GLG1: variants seen among roughly 807,000 people sequenced by gnomAD.
The protein encoded by GLG1 is Golgi apparatus protein 1.
A neutral mutation model predicts 160.5 loss-of-function variants in GLG1; 38 were observed. The observed-to-expected ratio is 0.24, with a 90% CI of 0.18 to 0.31. The LOEUF is 0.31. GLG1 is among the 10% of genes least tolerant of loss of function. The probability of loss-of-function intolerance (pLI) is 1.00; values close to 1 mark genes in which losing one functional copy is unlikely to be tolerated. For synonymous variants in GLG1, 644 were observed against 543.4 expected (o/e 1.19, Z -2.57); for missense variants, 1,373 against 1,505.2 (o/e 0.91, Z 1.45).
intron 1 of GLG1, among the ~76,000 whole-genome samples, chr16:74,558,536 A>G (rs2143727007): frequency 6.6e-6 from 1 of 152,378 alleles, no homozygotes; most frequent in Middle Eastern, 3.4e-3. Flanking sequence ...TTTGAGTCTG[A>G]CTTTAACCTG....
intron 1 of GLG1, among the ~76,000 whole-genome samples, chr16:74,595,907 T>A (rs1958289535): frequency 6.6e-6 from 1 of 152,084 alleles, no homozygotes; most frequent in Non-Finnish European, 1.5e-5. Flanking sequence ...GTGGATCACC[T>A]GAGGTCAGGA....
chr16:74,517,082 G>C (rs2017001867), intron 2 of GLG1, among the ~76,000 whole-genome samples: 1 of 152,146 alleles, frequency 6.6e-6, no homozygotes, highest in Non-Finnish European at 1.5e-5. Context: ...ACCAAAAAAA[G>C]TCCAGGACCA....
chr16:74,471,288 T>G lies in GLG1; in HGVS notation c.2116-2A>C. On this transcript the variant is annotated splice_acceptor_variant, in intron 14 of 25. Coordinates refer to ENST00000422840, the MANE Select transcript of GLG1 (RefSeq NM_001145667.2). LOFTEE classifies it high-confidence loss of function. ...GTCTATCTGGTTATCTGCCACATCC[T>G]GGGGAAGACAGCATGCATTTACACT... 6.6e-7 allele frequency: 1 copy of G among 1,504,868 alleles called. No homozygotes were observed. The highest frequency in any genetic ancestry group is 9.3e-7 in the Non-Finnish European group (1 of 1,080,450). The allele number at this position is 1,504,868 out of a possible 1,614,324, so 93.2% of individuals were successfully genotyped here.
intron 2 of GLG1, among the ~76,000 whole-genome samples, chr16:74,510,025 G>T (rs973291206): frequency 9.1e-6 from 1 of 110,418 alleles, no homozygotes; most frequent in Non-Finnish European, 1.8e-5. Flanking sequence ...TACACTATAA[G>T]GTCTACTTTT....
At chr16:74,545,516 T>C (rs2018021823) in intron 1 of GLG1, among the ~76,000 whole-genome samples, 1 of 152,216 alleles carries the variant, frequency 6.6e-6, no homozygotes, top group South Asian at 2.1e-4. Flanking sequence ...CAGAAAAGTA[T>C]GTGTGGAATT....
rs376034013 is a variant in GLG1, at chr16:74,497,935, TCTGAGAGTTTTC to T, written c.775-1303_775-1292del. On this transcript the variant is annotated intron_variant, in intron 4 of 25. Coordinates refer to ENST00000422840, the MANE Select transcript of GLG1 (RefSeq NM_001145667.2). Reference sequence around the variant, plus strand: ...ATTACCACTGTTTACACAAAACGCTTCTGAGAGTTTTCTTAAAAACCATCCAATTATCTTTAA... The same window carrying T: ...ATTACCACTGTTTACACAAAACGCTTTTAAAAACCATCCAATTATCTTTAA... 6.6e-5 allele frequency among the ~76,000 whole-genome samples: 10 copies of T among 152,338 alleles called. No homozygotes were observed. In the East Asian group the frequency reaches 1.9e-3, roughly 29 times the overall value.
chr16:74,553,176 C>T (rs1236449229), intron 1 of GLG1, among the ~76,000 whole-genome samples: 4 of 150,582 alleles, frequency 2.7e-5, no homozygotes, highest in African/African-American at 4.9e-5. Context: ...GCTGAGATCA[C>T]GCCACTGCAC....
intron 2 of GLG1, among the ~76,000 whole-genome samples, chr16:74,511,649 T>C (rs746944104): frequency 6.7e-6 from 1 of 149,266 alleles, no homozygotes; most frequent in Non-Finnish European, 1.5e-5. Flanking sequence ...ATCACAAAAA[T>C]TTAGGACAAA....
At chr16:74,558,388 A>G (rs1369401868) in intron 1 of GLG1, among the ~76,000 whole-genome samples, 1 of 152,258 alleles carries the variant, frequency 6.6e-6, no homozygotes, top group African/African-American at 2.4e-5. Context: ...CATGTGCTCA[A>G]TTATGAATAA....
chr16:74,487,365 C>A (rs539852217), intron 8 of GLG1, among the ~76,000 whole-genome samples: 9 of 151,912 alleles, frequency 5.9e-5, no homozygotes, highest in African/African-American at 2.2e-4. Flanking sequence ...AGGGCCTTCA[C>A]TGGAGCACCT....
chr16:74,462,456 T>C (rs746469056), intron 21 of GLG1, 32 bp downstream of exon 21: 6 of 1,584,630 alleles, frequency 3.8e-6, no homozygotes, highest in Non-Finnish European at 5.2e-6. Flanking sequence ...GCTCCATAAA[T>C]ACACCTTTGT....
At chr16:74,600,265 T>C (rs570828997) in intron 1 of GLG1, among the ~76,000 whole-genome samples, 5 of 151,764 alleles carry the variant, frequency 3.3e-5, no homozygotes, top group Non-Finnish European at 7.4e-5. Context: ...TGGTGTTGTG[T>C]ACCTATAGTC....
intron 22 of GLG1, among the ~76,000 whole-genome samples, chr16:74,461,026 T>C (rs1184966304): frequency 6.6e-6 from 1 of 152,258 alleles, no homozygotes; most frequent in Non-Finnish European, 1.5e-5. Flanking sequence ...GACAGTTTTA[T>C]GAGTGAGCTT....
At position 74,516,873 on chromosome 16, in the gene GLG1, C is replaced by G. The variant is rs151329805; in HGVS notation, c.472-7948G>C. Among the ~76,000 whole-genome samples the G allele has an allele frequency of 4.6e-3, 705 of 152,238 alleles. 37 individuals are homozygous for G. The East Asian group carries it at 0.12, about 27-fold the overall frequency. Reference sequence around the variant, plus strand: ...CAATAAAAAATAATAAAGGGGCTATCACCACCGATCCCACAGAAATACAAA... The same window carrying G: ...CAATAAAAAATAATAAAGGGGCTATGACCACCGATCCCACAGAAATACAAA... On this transcript the variant is annotated intron_variant, in intron 2 of 25. Coordinates refer to ENST00000422840, the MANE Select transcript of GLG1 (RefSeq NM_001145667.2).
intron 22 of GLG1, among the ~76,000 whole-genome samples, chr16:74,461,281 C>T (rs536138001): frequency 6.6e-6 from 1 of 151,132 alleles, no homozygotes; most frequent in African/African-American, 2.4e-5. Flanking sequence ...CATTCTCCTG[C>T]CTTAGCCTCC....
intron 2 of GLG1, among the ~76,000 whole-genome samples, chr16:74,514,422 A>T (rs6564133): frequency 0.96 from 145,700 of 152,308 alleles, 70,037 homozygotes; most frequent in East Asian, 1. Flanking sequence ...GGGAAGCCCA[A>T]CAGACTAACA....
chr16:74,607,060 C>A lies in GLG1; in HGVS notation c.35G>T (p.Arg12Leu). ...AACGRVRRMF[R>L]LSAALHLLLL... Reference sequence around the variant, plus strand: ...CAGCAGATGCAGCGCCGCCGACAAGCGGAACATCCTCCGTACACGTCCACA... The same window carrying A: ...CAGCAGATGCAGCGCCGCCGACAAGAGGAACATCCTCCGTACACGTCCACA... Residue 12 changes from arginine (R) to leucine (L), a missense_variant, in exon 1 of 26, where the codon CGC becomes CTC. This residue lies in a region of GLG1 where 322 missense variants were observed against 254.6 expected (regional missense o/e 1.26). Coordinates refer to ENST00000422840, the MANE Select transcript of GLG1 (RefSeq NM_001145667.2). 1 of 1,585,702 alleles carries A rather than the reference C, an allele frequency of 6.3e-7. No homozygotes were observed.
chr16:74,544,399 C>A (rs76828191), intron 1 of GLG1, among the ~76,000 whole-genome samples: 18,785 of 152,268 alleles, frequency 0.12, 1,562 homozygotes, highest in Middle Eastern at 0.2. Flanking sequence ...CCACAACCTC[C>A]ACCTCCTAGG....
At chr16:74,519,919 G>A (rs1203356600) in intron 2 of GLG1, among the ~76,000 whole-genome samples, 1 of 152,134 alleles carries the variant, frequency 6.6e-6, no homozygotes, top group Non-Finnish European at 1.5e-5. Context: ...AAATCATCAT[G>A]TTGTTAGATA....
Sources: gnomAD v4.1 joint callset for allele counts (sites outside exome capture counted in the v4.1 genomes callset) on GRCh38, gnomAD v4.1.1 for gene constraint, gnomAD v4.1.1 regional missense constraint, MANE v1.5 for transcripts, NCBI Gene and HGNC (gene_info 2026-07-23, HGNC 2026-07-21) for gene names.